MAF: variants seen among roughly 807,000 people sequenced by gnomAD.
The protein encoded by MAF is MAF bZIP transcription factor, also known as transcription factor Maf.
A neutral mutation model predicts 22.0 loss-of-function variants in MAF; 10 were observed. That is an observed-to-expected ratio of 0.45 (90% confidence interval 0.28 to 0.77). The LOEUF (loss-of-function observed/expected upper bound fraction) is 0.77, where lower values mean the gene tolerates loss of function less well. Among genes scored for constraint, MAF ranks in the 30% least tolerant of loss-of-function variants. MAF has a pLI of 0.12. For missense variants in MAF, 544 were observed against 548.4 expected, an observed-to-expected ratio of 0.99 and a Z score of 0.08; for synonymous variants, 337 against 255.8, an observed-to-expected ratio of 1.32 and a Z score of -3.03.
chr16:79,483,689 G>A, the MAF span, among the ~76,000 whole-genome samples: 1 of 152,162 alleles, frequency 6.6e-6, no homozygotes, highest in African/African-American at 2.4e-5. Flanking sequence ...AAGGGTTCAT[G>A]TAGCTCAAAT....
At chr16:79,403,991 C>T in the MAF span, among the ~76,000 whole-genome samples, 11 of 152,026 alleles carry the variant, frequency 7.2e-5, no homozygotes, top group Non-Finnish European at 1.5e-4. Flanking sequence ...AACTCACCTC[C>T]GTCCATGCAG....
At chr16:79,356,178 A>ATG in the MAF span, among the ~76,000 whole-genome samples, 83,267 of 151,442 alleles carry the variant, frequency 0.55, 23,176 homozygotes, top group East Asian at 0.76. Context: ...ACACTCATAC[A>ATG]TGTGCACACA....
At chr16:79,423,157 A>G in the MAF span, among the ~76,000 whole-genome samples, 3 of 152,232 alleles carry the variant, frequency 2.0e-5, no homozygotes, top group South Asian at 4.1e-4. Flanking sequence ...TAGAATAAGC[A>G]TATCCCAAAT....
At chr16:79,319,494 A>G in the MAF span, among the ~76,000 whole-genome samples, 1 of 152,168 alleles carries the variant, frequency 6.6e-6, no homozygotes, top group African/African-American at 2.4e-5. Flanking sequence ...CCCAAGCACA[A>G]CTGTTTGTGA....
the MAF span, among the ~76,000 whole-genome samples, chr16:79,246,238 A>G: frequency 6.6e-6 from 1 of 152,038 alleles, no homozygotes; most frequent in African/African-American, 2.4e-5. Context: ...CAAAGTGCAC[A>G]CCCACATAAG....
the MAF span, among the ~76,000 whole-genome samples, chr16:79,348,965 G>T: frequency 6.6e-6 from 1 of 152,148 alleles, no homozygotes; most frequent in Non-Finnish European, 1.5e-5. Context: ...CCTCTTGTGT[G>T]CCCACCATCA....
chr16:79,506,940 G>A, the MAF span, among the ~76,000 whole-genome samples: 11 of 152,156 alleles, frequency 7.2e-5, no homozygotes, highest in Admixed American at 7.2e-4. Flanking sequence ...ACTTAGAGGG[G>A]TGTATAGGAA....
At chr16:79,340,418 A>G in the MAF span, among the ~76,000 whole-genome samples, 4 of 150,998 alleles carry the variant, frequency 2.6e-5, no homozygotes, top group Non-Finnish European at 4.4e-5. Context: ...AGTGCCTGGC[A>G]TAAGAACATA....
At chr16:79,454,364 T>A in the MAF span, among the ~76,000 whole-genome samples, 13 of 151,864 alleles carry the variant, frequency 8.6e-5, no homozygotes, top group African/African-American at 2.7e-4. Context: ...AAGTCTGTTG[T>A]AAGAGAAGGC....
At chr16:79,577,028 G>T in the MAF span, among the ~76,000 whole-genome samples, 1 of 151,398 alleles carries the variant, frequency 6.6e-6, no homozygotes, top group South Asian at 2.1e-4. Context: ...ACATTACAGG[G>T]TATTAACGAA....
At chr16:79,303,869 C>T in the MAF span, among the ~76,000 whole-genome samples, 15 of 152,058 alleles carry the variant, frequency 9.9e-5, no homozygotes, top group East Asian at 2.9e-3. Context: ...TAATTTATAC[C>T]AGAAAGTCAA....
At chr16:79,503,318 C>G in the MAF span, among the ~76,000 whole-genome samples, 1 of 152,240 alleles carries the variant, frequency 6.6e-6, no homozygotes, top group East Asian at 1.9e-4. Context: ...GATATACTAG[C>G]CACAACCACA....
At chr16:79,261,354 T>C in the MAF span, among the ~76,000 whole-genome samples, 23 of 96,596 alleles carry the variant, frequency 2.4e-4, no homozygotes, top group Admixed American at 9.3e-4. Flanking sequence ...GGTTTCACCA[T>C]GTTGGCCAGG....
At chr16:79,466,212 A>G in the MAF span, among the ~76,000 whole-genome samples, 1 of 151,996 alleles carries the variant, frequency 6.6e-6, no homozygotes, top group Non-Finnish European at 1.5e-5. Flanking sequence ...TCTGGACCTC[A>G]CTCCCTCTAG....
the MAF span, among the ~76,000 whole-genome samples, chr16:79,542,475 G>A: frequency 3.9e-5 from 6 of 152,138 alleles, no homozygotes; most frequent in East Asian, 1.9e-4. Context: ...GGCCTATGGC[G>A]GAGTTTCAAA....
At chr16:79,241,358 T>C in the MAF span, among the ~76,000 whole-genome samples, 10,997 of 152,102 alleles carry the variant, frequency 0.072, 595 homozygotes, top group Middle Eastern at 0.15. Flanking sequence ...ATGACATGAT[T>C]GAGCTGAAAA....
chr16:79,339,264 G>T, the MAF span, among the ~76,000 whole-genome samples: 1 of 152,022 alleles, frequency 6.6e-6, no homozygotes, highest in South Asian at 2.1e-4. Flanking sequence ...GTAGACATGG[G>T]GTTTCACCGT....
chr16:79,288,537 G>A, the MAF span, among the ~76,000 whole-genome samples: 1 of 152,152 alleles, frequency 6.6e-6, no homozygotes, highest in Non-Finnish European at 1.5e-5. Flanking sequence ...TGAGCCCTGT[G>A]TGAATTCCTG....
the MAF span, among the ~76,000 whole-genome samples, chr16:79,210,832 C>T: frequency 6.6e-6 from 1 of 152,146 alleles, no homozygotes; most frequent in Non-Finnish European, 1.5e-5. Context: ...ACAGCCGCAA[C>T]TGTTACTCAA....
Sources: gnomAD v4.1 joint callset for allele counts (sites outside exome capture counted in the v4.1 genomes callset) on GRCh38, gnomAD v4.1.1 for gene constraint, MANE v1.5 for transcripts, NCBI Gene and HGNC (gene_info 2026-07-23, HGNC 2026-07-21) for gene names.